NKD1: variants seen among roughly 807,000 people sequenced by gnomAD.
The protein encoded by NKD1 is NKD inhibitor of Wnt signaling pathway 1, also known as protein naked cuticle homolog 1.
Under a neutral mutation model 56.0 loss-of-function variants are expected in NKD1, and 21 were observed. That is an observed-to-expected ratio of 0.38 (90% CI 0.27 to 0.54). NKD1 has a LOEUF of 0.54. Ranked by LOEUF, NKD1 falls within the 20% of genes least tolerant of loss-of-function variation. NKD1 has a pLI of 0.82. For missense variants in NKD1, 578 were observed against 642.7 expected, an observed-to-expected ratio of 0.90 and a Z score of 1.09; for synonymous variants, 263 against 265.7, an observed-to-expected ratio of 0.99 and a Z score of 0.10.
intron 3 of NKD1, 80 bp from the exon 4 acceptor site, chr16:50,608,214 T>A: frequency 1.1e-6 from 1 of 930,008 alleles, no homozygotes; most frequent in Non-Finnish European, 1.8e-6. Flanking sequence ...CAGCCCAGGG[T>A]CCTCATGGCA....
chr16:50,630,481 G>T, intron 7 of NKD1, 148 bp downstream of exon 7: 1 of 767,650 alleles, frequency 1.3e-6, no homozygotes, highest in Non-Finnish European at 2.1e-6. Context: ...TCCTTGAAAG[G>T]GTAGGAGGAA....
In NKD1 at chr16:50,608,195, CAGA is replaced by C; in HGVS notation, c.193-94_193-92del. 4 of 846,966 alleles carry C rather than the reference CAGA, an allele frequency of 4.7e-6. No homozygotes were observed. The South Asian group carries it at 5.3e-5, about 11-fold the overall frequency. 52.5% of individuals were successfully genotyped at this position (846,966 alleles called of 1,614,324 possible). ...TGCCTCAGTTGACCTGAATTCCAAT[CAGA>C]AGAATCAGCCCAGGGTCCTCATGGC... On this transcript the variant is annotated intron_variant, in intron 3 of 9. Transcript: ENST00000268459.
rs559105809 is a variant in NKD1 at position 50,610,309 on chromosome 16, T to A, written c.259+1949T>A. Reference sequence around the variant, plus strand: ...AGGAGTGGAGCTGCTCTGGTTTGAGTCGGGTGGGCATCTGGACCTGTCCGT... The same window carrying A: ...AGGAGTGGAGCTGCTCTGGTTTGAGACGGGTGGGCATCTGGACCTGTCCGT... On this transcript the variant is annotated intron_variant, in intron 4 of 9. Transcript: ENST00000268459. Among the ~76,000 whole-genome samples, 5 of 152,242 alleles carry A rather than the reference T, an allele frequency of 3.3e-5. No homozygotes were observed. The East Asian group carries it at 9.7e-4, about 29-fold the overall frequency.
In NKD1 at chr16:50,633,203, G is replaced by T. The variant is rs751237487; in HGVS notation, c.835G>T (p.Val279Leu). 6.2e-7 allele frequency: 1 copy of T among 1,603,878 alleles called. No homozygotes were observed. Among genetic ancestry groups the T allele is most frequent in the East Asian group, 2.2e-5 (1 of 44,658 alleles). ...TSQFGPGSPS[V>L]AQKSELPPRT... Reference sequence around the variant, plus strand: ...GAATTGGTTCCTAGGCTCCCCTTCCGTGGCCCAGAAGTCAGAACTGCCCCC... The same window carrying T: ...GAATTGGTTCCTAGGCTCCCCTTCCTTGGCCCAGAAGTCAGAACTGCCCCC... The change falls in exon 10 of 10, where the codon GTG becomes TTG. Residue 279 changes from valine (V) to leucine (L), a missense_variant. Physicochemically the swap from Val to Leu is conservative, Grantham distance 32 (BLOSUM62 1). Coordinates refer to ENST00000268459, the MANE Select transcript of NKD1 (RefSeq NM_033119.5). This position sits in a 1 kb window ranked among gnomAD's most constrained non-coding sequence, Gnocchi z 4.9.
At chr16:50,599,514 C>T (rs767405626) in intron 3 of NKD1, among the ~76,000 whole-genome samples, 1 of 152,210 alleles carries the variant, frequency 6.6e-6, no homozygotes, top group Non-Finnish European at 1.5e-5. Context: ...GGGGTCATCG[C>T]AGAGCCCAGC....
rs60839705 is a variant in NKD1, at chr16:50,620,819, A to G, written c.260-783A>G. Among the ~76,000 whole-genome samples, 900 of 152,008 alleles carry G rather than the reference A, an allele frequency of 5.9e-3. 6 individuals carry two copies. The highest frequency in any genetic ancestry group is 0.021 in the African/African-American group (878 of 41,438). On this transcript the variant is annotated intron_variant, in intron 4 of 9. Transcript: ENST00000268459. The stretch of plus-strand genomic sequence containing the variant: ...GTGTCAGTAGGTCCTGGGATTTCAC[A>G]CTCACCCTCCCACATTTCCTGGCAG...
chr16:50,548,667 C>CCCGCCGCCGCGGCTG (rs1960293600), intron 1 of NKD1, 50 bp from the exon 2 acceptor site: 10 of 1,465,904 alleles, frequency 6.8e-6, no homozygotes, highest in Non-Finnish European at 9.0e-6. Context: ...CTTTCCTTCT[C>CCCGCCGCCGCGGCTG]CCGCCGCCGC....
intron 3 of NKD1, among the ~76,000 whole-genome samples, chr16:50,595,720 C>A (rs979822023): frequency 1.3e-5 from 2 of 152,098 alleles, no homozygotes; most frequent in Admixed American, 6.5e-5. Context: ...TGGGTGGAGT[C>A]ACTGCCATGA....
chr16:50,576,070 G>T lies in NKD1; in HGVS notation c.192+26515G>T, dbSNP rs570260807. Among the ~76,000 whole-genome samples, 37 of 152,348 alleles carry T rather than the reference G, an allele frequency of 2.4e-4. 1 individual carries two copies. Among genetic ancestry groups the T allele is most frequent in the Admixed American group, 1.2e-3 (18 of 15,304 alleles). ...AGAGCCCACCAAGCCTCCTACCTGG[G>T]CTCAAGAATATTCTAGAAGATTCTG... On this transcript the variant is annotated intron_variant, in intron 3 of 9. Coordinates refer to ENST00000268459, the MANE Select transcript of NKD1 (RefSeq NM_033119.5).
At chr16:50,616,573 C>T (rs1380014786) in intron 4 of NKD1, among the ~76,000 whole-genome samples, 1 of 152,180 alleles carries the variant, frequency 6.6e-6, no homozygotes, top group Non-Finnish European at 1.5e-5. Flanking sequence ...GGCGGAATCT[C>T]TGCCCTGTGC....
At chr16:50,607,370 G>A (rs1961736404) in intron 3 of NKD1, 1 of 161,656 alleles carries the variant, frequency 6.2e-6, no homozygotes, top group African/African-American at 2.4e-5. Context: ...CTAAGGAGAG[G>A]GTTGGGTTTT....
intron 4 of NKD1, among the ~76,000 whole-genome samples, chr16:50,610,727 G>C (rs1961827112): frequency 6.6e-6 from 1 of 152,242 alleles, no homozygotes; most frequent in Non-Finnish European, 1.5e-5. Context: ...GATGGCTTTA[G>C]CTCCCGCGTT....
At chr16:50,591,517 C>T (rs1961367180) in intron 3 of NKD1, among the ~76,000 whole-genome samples, 1 of 152,184 alleles carries the variant, frequency 6.6e-6, no homozygotes, top group African/African-American at 2.4e-5. Flanking sequence ...GCTGAATTGG[C>T]CCTCTCCTGA....
Position 50,548,975 on chromosome 16 carries a change from C to A in NKD1, c.58+226C>A, listed in dbSNP as rs1170906930. 3.1e-6 allele frequency: 3 copies of A among 962,336 alleles called. No individual in the cohort carries two copies. The South Asian group carries it at 1.4e-4, about 46-fold the overall frequency. The allele number at this position is 962,336 out of a possible 1,614,324, so 59.6% of individuals were successfully genotyped here. ...TCCCACCGCTGACCCTCAACCCCTC[C>A]CCCTCCCGCGTCCCTGCCCTCGGCT... On this transcript the variant is annotated intron_variant, in intron 2 of 9. Coordinates refer to ENST00000268459, the MANE Select transcript of NKD1 (RefSeq NM_033119.5).
At chr16:50,556,713 T>A (rs1960511176) in intron 3 of NKD1, 1 of 151,348 alleles carries the variant, frequency 6.6e-6, no homozygotes, top group East Asian at 1.9e-4. Context: ...CATTCATTCA[T>A]GCATCTGCAG....
chr16:50,619,509 C>T (rs950690802), intron 4 of NKD1, among the ~76,000 whole-genome samples: 1 of 152,174 alleles, frequency 6.6e-6, no homozygotes, highest in Non-Finnish European at 1.5e-5. Context: ...GCTGCCCGCA[C>T]AGGCTGTATG....
chr16:50,604,357 C>T (rs564872888), intron 3 of NKD1, among the ~76,000 whole-genome samples: 1 of 152,316 alleles, frequency 6.6e-6, no homozygotes, highest in South Asian at 2.1e-4. Context: ...GTGTTCTGGG[C>T]AGGATGGGGC....
intron 3 of NKD1, among the ~76,000 whole-genome samples, chr16:50,577,637 T>C (rs938715494): frequency 6.6e-6 from 1 of 152,220 alleles, no homozygotes; most frequent in Non-Finnish European, 1.5e-5. Context: ...ACTGAAACTT[T>C]GTACCCCTTG....
At chr16:50,571,721 C>T (rs900999919) in intron 3 of NKD1, among the ~76,000 whole-genome samples, 6 of 152,158 alleles carry the variant, frequency 3.9e-5, no homozygotes, top group African/African-American at 1.4e-4. Flanking sequence ...CTCTTCTAAG[C>T]CATCATCCTG....
Sources: gnomAD v4.1 joint callset for allele counts (sites outside exome capture counted in the v4.1 genomes callset) on GRCh38, gnomAD v4.1.1 for gene constraint, Gnocchi (gnomAD v3.1) non-coding constraint, MANE v1.5 for transcripts, NCBI Gene and HGNC (gene_info 2026-07-23, HGNC 2026-07-21) for gene names.